RNF43: variants seen among roughly 807,000 people sequenced by gnomAD.
RNF43 encodes E3 ubiquitin-protein ligase RNF43.
A neutral mutation model predicts 78.4 loss-of-function variants in RNF43; 37 were observed. The observed-to-expected ratio is 0.47, with a 90% CI of 0.36 to 0.62. RNF43 has a LOEUF of 0.62. RNF43 is among the 20% of genes least tolerant of loss of function. RNF43 has a pLI of 0.00. For synonymous variants in RNF43, 347 were observed against 395.0 expected, an observed-to-expected ratio of 0.88 and a Z score of 1.44; for missense variants, 774 against 1,007.9, an observed-to-expected ratio of 0.77 and a Z score of 3.14.
intron 2 of RNF43, among the ~76,000 whole-genome samples, chr17:58,373,458 G>A (rs1231949245): frequency 6.6e-6 from 1 of 152,194 alleles, no homozygotes; most frequent in African/African-American, 2.4e-5. Flanking sequence ...AAGGCCTCTT[G>A]TGTGCCAGAG....
At chr17:58,368,721 A>G (rs891394975) in intron 3 of RNF43, among the ~76,000 whole-genome samples, 3 of 151,958 alleles carry the variant, frequency 2.0e-5, no homozygotes, top group Non-Finnish European at 2.9e-5. Flanking sequence ...TCAAAAAAAA[A>G]AAAAAAGAAA....
At chr17:58,361,467 G>A (rs921980996) in intron 6 of RNF43, among the ~76,000 whole-genome samples, 3 of 152,016 alleles carry the variant, frequency 2.0e-5, no homozygotes, top group African/African-American at 4.8e-5. Flanking sequence ...TTTAACTGCC[G>A]CCTTCCTAAT....
chr17:58,409,649 A>C (rs1431893751), intron 2 of RNF43, among the ~76,000 whole-genome samples: 3 of 152,130 alleles, frequency 2.0e-5, no homozygotes, highest in African/African-American at 4.8e-5. Context: ...CTGGGATTAC[A>C]GGCATGAGCC....
At chr17:58,380,269 A>C (rs1973285444) in intron 2 of RNF43, among the ~76,000 whole-genome samples, 2 of 152,234 alleles carry the variant, frequency 1.3e-5, no homozygotes, top group Admixed American at 6.5e-5. Flanking sequence ...TATCCAAAGA[A>C]GTCCTCTGCA....
At chr17:58,405,605 G>C (rs905549448) in intron 2 of RNF43, among the ~76,000 whole-genome samples, 1 of 151,700 alleles carries the variant, frequency 6.6e-6, no homozygotes, top group African/African-American at 2.4e-5. Flanking sequence ...CTTGAGCCCA[G>C]GAGTTCAAGG....
intron 2 of RNF43, among the ~76,000 whole-genome samples, chr17:58,413,950 T>C (rs1974075376): frequency 6.6e-6 from 1 of 152,210 alleles, no homozygotes; most frequent in African/African-American, 2.4e-5. Flanking sequence ...GGGTATTAAC[T>C]AGGCAAGGCC....
intron 2 of RNF43, among the ~76,000 whole-genome samples, chr17:58,413,183 C>T (rs1262111840): frequency 6.6e-6 from 1 of 152,086 alleles, no homozygotes; most frequent in African/African-American, 2.4e-5. Flanking sequence ...GCATGGATTC[C>T]AGAAGTGTAA....
At chr17:58,408,912 C>T (rs531647895) in intron 2 of RNF43, among the ~76,000 whole-genome samples, 1 of 152,214 alleles carries the variant, frequency 6.6e-6, no homozygotes, top group African/African-American at 2.4e-5. Context: ...GACAAAAATC[C>T]TTGCTTTCAC....
At chr17:58,412,376 G>C (rs1367149657) in intron 2 of RNF43, among the ~76,000 whole-genome samples, 1 of 152,054 alleles carries the variant, frequency 6.6e-6, no homozygotes, top group Admixed American at 6.5e-5. Context: ...AAGGGCAAAG[G>C]CAACACCATT....
chr17:58,371,129 G>A (rs2143518121), intron 2 of RNF43, 96 bp from the exon 3 acceptor site: 1 of 1,279,994 alleles, frequency 7.8e-7, no homozygotes, highest in South Asian at 1.9e-5. Context: ...GGAGGTACCA[G>A]GCAGGTCTCT....
At chr17:58,378,400 G>C (rs1324721053) in intron 2 of RNF43, among the ~76,000 whole-genome samples, 1 of 151,946 alleles carries the variant, frequency 6.6e-6, no homozygotes, top group African/African-American at 2.4e-5. Context: ...TGGGACTATA[G>C]GTGTGCCTCA....
intron 2 of RNF43, among the ~76,000 whole-genome samples, chr17:58,375,445 T>A (rs1973186729): frequency 2.0e-5 from 3 of 152,240 alleles, no homozygotes; most frequent in Admixed American, 2.0e-4. Context: ...TGTCCGGCAT[T>A]TCCCTAATCA....
At chr17:58,397,368 T>C (rs1973704086) in intron 2 of RNF43, among the ~76,000 whole-genome samples, 1 of 152,182 alleles carries the variant, frequency 6.6e-6, no homozygotes, top group African/African-American at 2.4e-5. Flanking sequence ...TCGCTAATAA[T>C]AAAAGTTTTT....
At chr17:58,391,592 A>G (rs1973560773) in intron 2 of RNF43, among the ~76,000 whole-genome samples, 1 of 152,154 alleles carries the variant, frequency 6.6e-6, no homozygotes, top group African/African-American at 2.4e-5. Context: ...TTCTAATGTA[A>G]TAACTGACGG....
intron 1 of RNF43, 159 bp downstream of exon 1, chr17:58,416,858 G>T (rs1481642469): frequency 6.6e-6 from 1 of 152,078 alleles, no homozygotes; most frequent in East Asian, 1.9e-4. Context: ...CACCCACAAA[G>T]CCCTCTGTGT....
rs551531228 is a variant in RNF43, at chr17:58,375,591, C to G, written c.253-4558G>C. 3.3e-5 allele frequency among the ~76,000 whole-genome samples: 5 copies of G among 152,266 alleles called. No homozygotes were observed. The East Asian group carries it at 7.7e-4, about 24-fold the overall frequency. On this transcript the variant is annotated intron_variant, in intron 2 of 9. Transcript: ENST00000407977. The stretch of plus-strand genomic sequence containing the variant: ...TATTTGTTGATTAAATATTGGAAGT[C>G]TATAACCAGATAATTGACGATAGTT...
chr17:58,360,990 C>A lies in RNF43; in HGVS notation c.688-46G>T, dbSNP rs2143449486. 6.7e-7 allele frequency: 1 copy of A among 1,494,264 alleles called. No individual in the cohort carries two copies. Among genetic ancestry groups the A allele is most frequent in the South Asian group, 1.4e-5 (1 of 72,088 alleles). 92.6% of individuals were successfully genotyped at this position (1,494,264 alleles called of 1,614,324 possible). A position where few individuals can be genotyped will look rare whatever the true frequency, so the allele number is the denominator to read the frequency against. On this transcript the variant is annotated intron_variant, in intron 6 of 9. Transcript: ENST00000407977. The surrounding 1 kb of genome is among the most constrained non-coding windows in gnomAD (Gnocchi z 4.3). ...CAGATTGGGGCATGGGCTCCCCTTC[C>A]CTCCCTCTCTGGACCCAAGCTTGGA...
intron 5 of RNF43, among the ~76,000 whole-genome samples, 169 bp from the exon 6 acceptor site, chr17:58,362,817 G>A (rs961710253): frequency 2.6e-5 from 4 of 152,238 alleles, no homozygotes; most frequent in African/African-American, 9.6e-5. Context: ...GGCCCTCCCT[G>A]CCCAAGGGCA....
chr17:58,363,006 G>A (rs1265861544), intron 5 of RNF43: 1 of 522,166 alleles, frequency 1.9e-6, no homozygotes, highest in Non-Finnish European at 3.4e-6. Context: ...GGGGACCAGG[G>A]TTTCATTCTA....
Sources: gnomAD v4.1 joint callset for allele counts (sites outside exome capture counted in the v4.1 genomes callset) on GRCh38, gnomAD v4.1.1 for gene constraint, Gnocchi (gnomAD v3.1) non-coding constraint, MANE v1.5 for transcripts, NCBI Gene and HGNC (gene_info 2026-07-23, HGNC 2026-07-21) for gene names.